LRP1B: variants seen among roughly 807,000 people sequenced by gnomAD.
LRP1B encodes the protein LDL receptor related protein 1B.
Under a neutral mutation model 556.6 loss-of-function variants are expected in LRP1B, and 217 were observed. The ratio of observed to expected loss-of-function variants is 0.39; its 90% CI spans 0.35 to 0.44. The LOEUF (loss-of-function observed/expected upper bound fraction) is 0.44. Among genes scored for constraint, LRP1B ranks in the 20% least tolerant of loss-of-function variants. The pLI is 1.00. For synonymous variants in LRP1B, 2,047 were observed against 1,865.8 expected (o/e 1.10, Z -2.50); for missense variants, 5,053 against 5,620.8 (o/e 0.90, Z 3.23).
chr2:141,859,420 A>C (rs1001138929), intron 1 of LRP1B, among the ~76,000 whole-genome samples: 1 of 152,190 alleles, frequency 6.6e-6, no homozygotes, highest in Non-Finnish European at 1.5e-5. Flanking sequence ...TTTACATTTA[A>C]ACAGATTTCA....
intron 21 of LRP1B, among the ~76,000 whole-genome samples, chr2:140,911,025 T>C (rs1694402816): frequency 6.6e-6 from 1 of 151,794 alleles, no homozygotes; most frequent in Non-Finnish European, 1.5e-5. Flanking sequence ...ATTTAAATAA[T>C]TACTGCAAGC....
At chr2:141,144,158 AAAAG>A (rs779790298) in intron 7 of LRP1B, among the ~76,000 whole-genome samples, 6 of 152,202 alleles carry the variant, frequency 3.9e-5, no homozygotes, top group African/African-American at 7.2e-5. Flanking sequence ...TATGAAGGAG[AAAAG>A]AAAGAAAGAA....
At chr2:140,911,066 A>G (rs935740764) in intron 21 of LRP1B, among the ~76,000 whole-genome samples, 2 of 151,852 alleles carry the variant, frequency 1.3e-5, no homozygotes, top group African/African-American at 2.4e-5. Flanking sequence ...GCATCCATAC[A>G]TTAAAGGTAT....
chr2:140,762,269 C>T (rs1688952449), intron 35 of LRP1B, among the ~76,000 whole-genome samples: 1 of 152,120 alleles, frequency 6.6e-6, no homozygotes, highest in South Asian at 2.1e-4. Context: ...CCAAAAGAAT[C>T]CTGAATGCAG....
At chr2:141,456,294 A>G (rs1003402364) in intron 3 of LRP1B, among the ~76,000 whole-genome samples, 1 of 152,104 alleles carries the variant, frequency 6.6e-6, no homozygotes, top group Admixed American at 6.6e-5. Context: ...AAGTTTTTCC[A>G]CCAACAGTGT....
intron 86 of LRP1B, among the ~76,000 whole-genome samples, chr2:140,265,207 C>G (rs1682142857): frequency 6.6e-6 from 1 of 152,022 alleles, no homozygotes; most frequent in African/African-American, 2.4e-5. Flanking sequence ...TAATTCTTCA[C>G]AGTAGTAGTG....
At chr2:140,940,121 G>C (rs759559215) in intron 20 of LRP1B, among the ~76,000 whole-genome samples, 3 of 152,012 alleles carry the variant, frequency 2.0e-5, no homozygotes, top group Non-Finnish European at 2.9e-5. Context: ...CTGACCTCAA[G>C]TGATCCGTCT....
chr2:141,349,360 G>A (rs1446400244), intron 3 of LRP1B, among the ~76,000 whole-genome samples: 4 of 151,948 alleles, frequency 2.6e-5, no homozygotes, highest in African/African-American at 9.7e-5. Context: ...ACTCAGCTTT[G>A]TCAATTAGAG....
intron 1 of LRP1B, among the ~76,000 whole-genome samples, chr2:142,000,356 C>G (rs774800812): frequency 6.6e-6 from 1 of 152,128 alleles, no homozygotes; most frequent in Non-Finnish European, 1.5e-5. Context: ...ATTATCTGGT[C>G]TCATGTAATT....
chr2:140,557,132 T>G (rs1680763530), intron 43 of LRP1B, among the ~76,000 whole-genome samples: 1 of 152,130 alleles, frequency 6.6e-6, no homozygotes, highest in Non-Finnish European at 1.5e-5. Flanking sequence ...ACATACCAAG[T>G]GAGTTTTAAT....
intron 13 of LRP1B, among the ~76,000 whole-genome samples, 170 bp from the exon 14 acceptor site, chr2:141,013,915 T>C (rs1371412559): frequency 6.6e-6 from 1 of 152,076 alleles, no homozygotes; most frequent in East Asian, 1.9e-4. Flanking sequence ...ATATTTTTTG[T>C]TTTAGGGCAT....
At chr2:140,601,679 T>A (rs2105199974) in intron 41 of LRP1B, 40 bp from the exon 42 acceptor site, 2 of 1,429,854 alleles carry the variant, frequency 1.4e-6, no homozygotes, top group South Asian at 2.9e-5. Context: ...TACTTTTATT[T>A]ACAAAAAAAT....
At chr2:141,721,259 G>A (rs1295492129) in intron 2 of LRP1B, among the ~76,000 whole-genome samples, 1 of 152,036 alleles carries the variant, frequency 6.6e-6, no homozygotes, top group Non-Finnish European at 1.5e-5. Flanking sequence ...GTGCTTGACT[G>A]GTTTTTGAAA....
At chr2:142,028,217 TTTTTG>T (rs933382094) in intron 1 of LRP1B, among the ~76,000 whole-genome samples, 15 of 152,100 alleles carry the variant, frequency 9.9e-5, no homozygotes, top group African/African-American at 3.6e-4. Context: ...AAACGCTCCC[TTTTTG>T]GTGCAAAAGT....
chr2:141,765,945 G>A (rs1012249506), intron 2 of LRP1B, among the ~76,000 whole-genome samples: 4 of 152,124 alleles, frequency 2.6e-5, no homozygotes, highest in Non-Finnish European at 5.9e-5. Context: ...AGTTTATGAT[G>A]TACCGAGTTA....
At chr2:140,714,868 G>A (rs559441848) in intron 37 of LRP1B, among the ~76,000 whole-genome samples, 4 of 152,030 alleles carry the variant, frequency 2.6e-5, no homozygotes, top group African/African-American at 4.8e-5. Context: ...ACAAGAACAC[G>A]TACAGCTACC....
intron 33 of LRP1B, among the ~76,000 whole-genome samples, chr2:140,774,595 C>T (rs147838342): frequency 3.3e-5 from 5 of 152,128 alleles, no homozygotes; most frequent in East Asian, 3.9e-4. Context: ...TATTTTCTAA[C>T]GTTATGTTTT....
At chr2:140,491,565 G>T (rs1268690764) in intron 57 of LRP1B, among the ~76,000 whole-genome samples, 2 of 151,552 alleles carry the variant, frequency 1.3e-5, no homozygotes, top group Non-Finnish European at 2.9e-5. Context: ...AAAAGCATAG[G>T]AAAAAGTTTA....
chr2:142,130,085 T>C (rs1418642952), intron 1 of LRP1B, among the ~76,000 whole-genome samples: 1 of 152,120 alleles, frequency 6.6e-6, no homozygotes, highest in Non-Finnish European at 1.5e-5. Context: ...GCGCCCGGAA[T>C]CGTCCTAAAA....
Sources: gnomAD v4.1 joint callset for allele counts (sites outside exome capture counted in the v4.1 genomes callset) on GRCh38, gnomAD v4.1.1 for gene constraint, MANE v1.5 for transcripts, NCBI Gene and HGNC (gene_info 2026-07-23, HGNC 2026-07-21) for gene names.